The following RPRD1B variants were observed in gnomAD, a reference collection of about 807,000 sequenced individuals.
RPRD1B encodes regulation of nuclear pre-mRNA domain containing 1B.
In RPRD1B, 11 loss-of-function variants were observed where a neutral mutation model predicts 41.5. The observed-to-expected ratio is 0.27, with a 90% confidence interval of 0.17 to 0.44. The LOEUF (loss-of-function observed/expected upper bound fraction) is 0.44. RPRD1B is among the 20% of genes least tolerant of loss of function. RPRD1B has a pLI of 1.00. For synonymous variants in RPRD1B, 158 were observed against 155.6 expected (o/e 1.02, Z -0.12); for missense variants, 248 against 389.9 (o/e 0.64, Z 3.06).
At chr20:38,054,658 C>T (rs974931418) in intron 3 of RPRD1B, among the ~76,000 whole-genome samples, 5 of 152,206 alleles carry the variant, frequency 3.3e-5, no homozygotes, top group South Asian at 4.1e-4. Flanking sequence ...TTCTAAGTGT[C>T]GAGGTAGTGT....
intron 2 of RPRD1B, among the ~76,000 whole-genome samples, chr20:38,044,020 A>T (rs1274637630): frequency 6.6e-6 from 1 of 152,128 alleles, no homozygotes; most frequent in Non-Finnish European, 1.5e-5. Flanking sequence ...GGGCCCCAAG[A>T]CCACTCCCAG....
chr20:38,076,651 C>A lies in RPRD1B; in HGVS notation c.831+10395C>A, dbSNP rs1298351003. Among the ~76,000 whole-genome samples, 3 of 152,174 alleles carry A rather than the reference C, an allele frequency of 2.0e-5. No individual in the cohort carries two copies. In the East Asian group the frequency reaches 5.8e-4, roughly 29 times the overall value. The stretch of plus-strand genomic sequence containing the variant: ...AAGTGGCTGTCTTCAGAATTTCCCC[C>A]CTTCCCCCCACCCCTGCCCCCAGTG... On this transcript the variant is annotated intron_variant, in intron 6 of 6. Coordinates refer to ENST00000373433, the MANE Select transcript of RPRD1B (RefSeq NM_021215.4).
At chr20:38,079,665 A>T (rs1296177339) in intron 6 of RPRD1B, among the ~76,000 whole-genome samples, 1 of 152,152 alleles carries the variant, frequency 6.6e-6, no homozygotes, top group East Asian at 1.9e-4. Context: ...TGCTATTGTG[A>T]ATAGTGCTGT....
chr20:38,065,038 G>A (rs1383011982), intron 5 of RPRD1B, among the ~76,000 whole-genome samples: 1 of 151,962 alleles, frequency 6.6e-6, no homozygotes, highest in African/African-American at 2.4e-5. Flanking sequence ...AGTAAGAATG[G>A]GTATTTTATG....
intron 3 of RPRD1B, among the ~76,000 whole-genome samples, chr20:38,049,011 G>A (rs1271336057): frequency 1.3e-5 from 2 of 152,190 alleles, no homozygotes; most frequent in African/African-American, 2.4e-5. Flanking sequence ...GTGCAGTGGC[G>A]TGATCTCGGC....
chr20:38,062,802 C>G (rs2074311301), intron 5 of RPRD1B, among the ~76,000 whole-genome samples: 1 of 137,148 alleles, frequency 7.3e-6, no homozygotes, highest in African/African-American at 2.7e-5. Context: ...CCCACGACTC[C>G]CCCCATCACC....
At chr20:38,053,865 C>T (rs902245437) in intron 3 of RPRD1B, among the ~76,000 whole-genome samples, 115 of 152,162 alleles carry the variant, frequency 7.6e-4, no homozygotes, top group African/African-American at 2.5e-3. Context: ...ACAAAGTATA[C>T]GGAAGGATGT....
chr20:38,048,237 T>C, intron 2 of RPRD1B, 111 bp from the exon 3 acceptor site: 4 of 1,147,910 alleles, frequency 3.5e-6, no homozygotes, highest in East Asian at 2.6e-5. Context: ...TGGTTTTAAA[T>C]GTGTAAATCA....
chr20:38,084,791 TA>T (rs1340911717), intron 6 of RPRD1B, among the ~76,000 whole-genome samples: 1 of 152,214 alleles, frequency 6.6e-6, no homozygotes. Context: ...GCCAAGAGCA[TA>T]AATCCTAGGC....
At chr20:38,073,689 G>A (rs1163220989) in intron 6 of RPRD1B, among the ~76,000 whole-genome samples, 1 of 152,146 alleles carries the variant, frequency 6.6e-6, no homozygotes, top group African/African-American at 2.4e-5. Context: ...GAGTAAATTC[G>A]TCTTTCCTAT....
intron 6 of RPRD1B, among the ~76,000 whole-genome samples, chr20:38,083,628 C>G (rs1194921847): frequency 6.6e-6 from 1 of 152,196 alleles, no homozygotes; most frequent in Non-Finnish European, 1.5e-5. Context: ...GAAGCTCGCT[C>G]CCATTTGGAG....
At chr20:38,055,446 T>G (rs184402921) in intron 3 of RPRD1B, among the ~76,000 whole-genome samples, 14 of 151,986 alleles carry the variant, frequency 9.2e-5, no homozygotes, top group African/African-American at 3.1e-4. Context: ...TTCTTTAGCA[T>G]GCAGTTTTTT....
At chr20:38,070,022 T>A (rs1243871354) in intron 6 of RPRD1B, among the ~76,000 whole-genome samples, 2 of 151,964 alleles carry the variant, frequency 1.3e-5, no homozygotes, top group East Asian at 1.9e-4. Context: ...GGTTTTTTTT[T>A]AAGGTTGCAT....
Position 38,090,101 on chromosome 20 carries a change from C to T in RPRD1B, c.*226C>T. On this transcript the variant is annotated 3_prime_UTR_variant, in exon 7 of 7. Coordinates refer to ENST00000373433, the MANE Select transcript of RPRD1B (RefSeq NM_021215.4). ...TTTATATTCATATTTGCAAAGACTA[C>T]AGACTTTTTCTCCCACTTCATATTT... 2 of 1,250,158 alleles carry T rather than the reference C, an allele frequency of 1.6e-6. No homozygotes were observed. Among genetic ancestry groups the T allele is most frequent in the Non-Finnish European group, 2.0e-6 (2 of 993,960 alleles). The allele number at this position is 1,250,158 out of a possible 1,614,324, so 77.4% of individuals were successfully genotyped here.
At chr20:38,087,363 C>T (rs1203762197) in intron 6 of RPRD1B, among the ~76,000 whole-genome samples, 1 of 152,158 alleles carries the variant, frequency 6.6e-6, no homozygotes, top group Non-Finnish European at 1.5e-5. Context: ...ATGAACTTGC[C>T]ACGTTGGTCT....
intron 5 of RPRD1B, among the ~76,000 whole-genome samples, chr20:38,062,102 A>T (rs2074303560): frequency 1.3e-5 from 2 of 152,160 alleles, no homozygotes; most frequent in South Asian, 4.2e-4. Context: ...AAGATGGAGG[A>T]AGCAACTGTG....
intron 2 of RPRD1B, among the ~76,000 whole-genome samples, chr20:38,042,859 C>G (rs2074080995): frequency 7.1e-6 from 1 of 140,818 alleles, no homozygotes; most frequent in South Asian, 2.3e-4. Flanking sequence ...CCAAAACAAA[C>G]AAACAGTAAA....
At chr20:38,049,397 G>A (rs1211733562) in intron 3 of RPRD1B, among the ~76,000 whole-genome samples, 9 of 99,532 alleles carry the variant, frequency 9.0e-5, no homozygotes, top group Non-Finnish European at 1.7e-4. Context: ...TTGAGACAGA[G>A]TCTTGCTTTG....
chr20:38,058,995 C>T (rs747180299), intron 4 of RPRD1B, among the ~76,000 whole-genome samples: 7 of 152,018 alleles, frequency 4.6e-5, no homozygotes, highest in Non-Finnish European at 1.0e-4. Flanking sequence ...ATTACAGGTG[C>T]GAGCCACCAC....
Sources: allele counts gnomAD v4.1 joint callset (sites outside exome capture counted in the v4.1 genomes callset), GRCh38; gene constraint gnomAD v4.1.1; transcripts MANE v1.5; gene names NCBI Gene and HGNC (gene_info 2026-07-23, HGNC 2026-07-21).